The following GPC6 variants were observed in gnomAD, a reference collection of about 807,000 sequenced individuals.
The protein encoded by GPC6 is glypican 6, also known as glypican-6.
In GPC6, 14 loss-of-function variants were observed where a neutral mutation model predicts 55.2. That is an observed-to-expected ratio of 0.25 (90% CI 0.17 to 0.40). The LOEUF is 0.40. Ranked by LOEUF, GPC6 falls within the 10% of genes least tolerant of loss-of-function variation. The probability of loss-of-function intolerance (pLI) is 1.00; values close to 1 mark genes in which losing one functional copy is unlikely to be tolerated. For synonymous variants in GPC6, 278 were observed against 259.6 expected (o/e 1.07, Z -0.68); for missense variants, 641 against 708.5 (o/e 0.90, Z 1.08).
intron 3 of GPC6, among the ~76,000 whole-genome samples, chr13:94,027,294 G>A (rs1882937297): frequency 6.6e-6 from 1 of 152,126 alleles, no homozygotes; most frequent in South Asian, 2.1e-4. Context: ...AGTTGATATT[G>A]ATCTTTGAAG....
chr13:94,039,081 G>A (rs942875191), intron 4 of GPC6, among the ~76,000 whole-genome samples: 1 of 151,952 alleles, frequency 6.6e-6, no homozygotes. Flanking sequence ...ACAGTGGTAG[G>A]AAGGTAGGAA....
rs116113956 is a variant in GPC6 at position 94,061,629 on chromosome 13, A to C, written c.877+33735A>C. On this transcript the variant is annotated intron_variant, in intron 4 of 8. Coordinates refer to ENST00000377047, the MANE Select transcript of GPC6 (RefSeq NM_005708.5). The stretch of plus-strand genomic sequence containing the variant: ...CTGAAATTCCTCACCGAGAAGGAGC[A>C]CTGTGTTACTGGGTGATTTTGCAGA... 4.0e-4 allele frequency among the ~76,000 whole-genome samples: 61 copies of C among 152,090 alleles called. 1 individual carries two copies. In the South Asian group the frequency reaches 0.013, roughly 32 times the overall value.
intron 2 of GPC6, among the ~76,000 whole-genome samples, chr13:93,813,706 TC>T (rs1241973513): frequency 6.6e-6 from 1 of 151,904 alleles, no homozygotes; most frequent in Non-Finnish European, 1.5e-5. Flanking sequence ...GAAGGATTTT[TC>T]AGATGTTAAA....
rs1375461969 is a variant in GPC6 at position 93,358,379 on chromosome 13, C to T, written c.160+130763C>T. Among the ~76,000 whole-genome samples, 2 of 152,126 alleles carry T rather than the reference C, an allele frequency of 1.3e-5. 1 individual carries two copies. ...ATGGTTAACATTTATTGAGTATTTACAGTGTGCTGGAGACTGTTGTAAGTG... is the reference window on the plus strand; with the variant it reads ...ATGGTTAACATTTATTGAGTATTTATAGTGTGCTGGAGACTGTTGTAAGTG... On this transcript the variant is annotated intron_variant, in intron 1 of 8. Transcript: ENST00000377047.
chr13:94,112,788 T>G (rs906072212), intron 4 of GPC6, among the ~76,000 whole-genome samples: 17 of 152,200 alleles, frequency 1.1e-4, no homozygotes, highest in African/African-American at 3.9e-4. Context: ...TATTTTCTTT[T>G]TATTTTTGTC....
intron 2 of GPC6, among the ~76,000 whole-genome samples, chr13:93,660,076 A>C (rs1465259687): frequency 6.6e-6 from 1 of 152,190 alleles, no homozygotes; most frequent in African/African-American, 2.4e-5. Context: ...AAAGAACAGA[A>C]ATTTGAAAAA....
chr13:93,304,134 G>C (rs1208767480), intron 1 of GPC6, among the ~76,000 whole-genome samples: 5 of 152,046 alleles, frequency 3.3e-5, no homozygotes, highest in African/African-American at 1.2e-4. Context: ...CCACAGTGCT[G>C]GGATTACAGA....
At chr13:94,319,713 C>G (rs1876719229) in intron 6 of GPC6, among the ~76,000 whole-genome samples, 1 of 152,198 alleles carries the variant, frequency 6.6e-6, no homozygotes, top group Non-Finnish European at 1.5e-5. Context: ...TTATATTTCA[C>G]TATCTCCTGG....
chr13:93,939,409 C>G (rs774365374), intron 3 of GPC6, among the ~76,000 whole-genome samples: 246 of 129,926 alleles, frequency 1.9e-3, no homozygotes, highest in Non-Finnish European at 3.6e-3. Flanking sequence ...CAGAGCAAGA[C>G]TCTGTCTCAA....
chr13:94,145,698 A>C (rs61962343), intron 4 of GPC6, among the ~76,000 whole-genome samples: 1 of 152,066 alleles, frequency 6.6e-6, no homozygotes, highest in South Asian at 2.1e-4. Flanking sequence ...AACTTTTCCA[A>C]GTATGGGGGA....
chr13:93,510,319 C>T (rs974827672), intron 1 of GPC6, among the ~76,000 whole-genome samples: 6 of 152,090 alleles, frequency 3.9e-5, no homozygotes, highest in African/African-American at 9.7e-5. Context: ...TCCCTCTCCC[C>T]CAAATCAGCC....
intron 2 of GPC6, among the ~76,000 whole-genome samples, chr13:93,780,286 A>G (rs1055547146): frequency 6.7e-6 from 1 of 148,814 alleles, no homozygotes; most frequent in South Asian, 2.1e-4. Flanking sequence ...AAAAAAAAAC[A>G]CATTGTTTTC....
At chr13:93,790,153 G>A (rs1388641402) in intron 2 of GPC6, among the ~76,000 whole-genome samples, 1 of 152,110 alleles carries the variant, frequency 6.6e-6, no homozygotes, top group Non-Finnish European at 1.5e-5. Context: ...AACTCTTAGA[G>A]ATGACAGTTA....
chr13:93,330,698 G>A (rs958082000), intron 1 of GPC6, among the ~76,000 whole-genome samples: 4 of 152,014 alleles, frequency 2.6e-5, no homozygotes, highest in Admixed American at 6.6e-5. Context: ...GGCTGATCTC[G>A]ATTCTATTGC....
At chr13:94,366,693 G>T (rs1193164644) in intron 6 of GPC6, among the ~76,000 whole-genome samples, 1 of 152,160 alleles carries the variant, frequency 6.6e-6, no homozygotes, top group East Asian at 1.9e-4. Context: ...AGTTCCTTGG[G>T]GATTTCTGCC....
At chr13:93,860,441 TC>T (rs1679964312) in intron 3 of GPC6, among the ~76,000 whole-genome samples, 1 of 151,798 alleles carries the variant, frequency 6.6e-6, no homozygotes, top group African/African-American at 2.4e-5. Context: ...TTTCATCTTT[TC>T]TTTGAAATAG....
intron 4 of GPC6, among the ~76,000 whole-genome samples, chr13:94,227,224 A>G (rs1388898388): frequency 6.6e-6 from 1 of 152,222 alleles, no homozygotes; most frequent in Admixed American, 6.5e-5. Context: ...AAGTCCTTTC[A>G]AACAGAAAGC....
upstream of GPC6, among the ~76,000 whole-genome samples, chr13:93,224,214 G>C (rs60512521): frequency 8.0e-6 from 1 of 124,910 alleles, no homozygotes; most frequent in Non-Finnish European, 1.6e-5. Context: ...TTTTTTTTGA[G>C]ACGGAGTTTC....
At chr13:94,239,835 A>C (rs1348300559) in intron 4 of GPC6, among the ~76,000 whole-genome samples, 1 of 152,030 alleles carries the variant, frequency 6.6e-6, no homozygotes, top group Non-Finnish European at 1.5e-5. Context: ...CTCTCAATCC[A>C]CTCAGCTTCC....
Sources: allele counts gnomAD v4.1 joint callset (sites outside exome capture counted in the v4.1 genomes callset), GRCh38; gene constraint gnomAD v4.1.1; transcripts MANE v1.5; gene names NCBI Gene and HGNC (gene_info 2026-07-23, HGNC 2026-07-21).